Variants in PLIN1 observed in about 807,000 individuals in gnomAD.
PLIN1 encodes the protein perilipin-1.
A neutral mutation model predicts 45.8 loss-of-function variants in PLIN1; 37 were observed. The ratio of observed to expected loss-of-function variants is 0.81; its 90% CI spans 0.62 to 1.06. The LOEUF is 1.06. Ranked by LOEUF, PLIN1 falls within the 50% of genes least tolerant of loss-of-function variation. The pLI is 0.00. For missense variants in PLIN1, 776 were observed against 716.5 expected, an observed-to-expected ratio of 1.08 and a Z score of -0.95; for synonymous variants, 340 against 309.2, an observed-to-expected ratio of 1.10 and a Z score of -1.05.
chr15:89,665,706 C>G lies in PLIN1; in HGVS notation c.1446G>C (p.Pro482=). The G allele has an allele frequency of 6.8e-7, 1 of 1,466,868 alleles. No individual in the cohort carries two copies. Among genetic ancestry groups the G allele is most frequent in the Non-Finnish European group, 9.0e-7 (1 of 1,112,124 alleles). The allele number at this position is 1,466,868 out of a possible 1,614,324, so 90.9% of individuals were successfully genotyped here. A position where few individuals can be genotyped will look rare whatever the true frequency, so the allele number is the denominator to read the frequency against. ...TCTCGCGGGGCACGGCCGGGAAGCC[C>G]GGGCGCGGCGCTGCGGGCGTGGCGA... ...DEVATPAAPR[P]GFPAVPREKP... The change falls in exon 9 of 9, where the codon CCG becomes CCC. Residue 482 remains proline (P), a synonymous_variant. Transcript: ENST00000300055.
Position 89,666,943 on chromosome 15 carries a change from T to A in PLIN1, c.1202A>T (p.Tyr401Phe), listed in dbSNP as rs140505022. ...GCCAGGGGTGGTACTCACCGGCACG[T>A]AATGCACCACTGTGTCCACCACGTT... The part of the protein sequence containing the change: ...TDNVVDTVVH[Y>F]VPLPRLSLME... The change falls in exon 8 of 9, where the codon TAC becomes TTC. Residue 401 changes from tyrosine (Y) to phenylalanine (F), a missense_variant. Coordinates refer to ENST00000300055, the MANE Select transcript of PLIN1 (RefSeq NM_002666.5). 2.0e-5 allele frequency: 33 copies of A among 1,613,920 alleles called. No homozygotes were observed. Among genetic ancestry groups the A allele is most frequent in the Non-Finnish European group, 2.6e-5 (31 of 1,179,968 alleles).
chr15:89,673,865 C>T (rs2289487), intron 2 of PLIN1, among the ~76,000 whole-genome samples: 81,879 of 152,084 alleles, frequency 0.54, 23,143 homozygotes, highest in Non-Finnish European at 0.65. Flanking sequence ...CTGCCTAGAA[C>T]GCTCACCTTC....
Position 89,677,490 on chromosome 15 carries a change from C to G in PLIN1, c.-1G>C. 1 of 1,614,032 alleles carries G rather than the reference C, an allele frequency of 6.2e-7. No individual in the cohort carries two copies. The highest frequency in any genetic ancestry group is 8.5e-7 in the Non-Finnish European group (1 of 1,179,924). On this transcript the variant is annotated 5_prime_UTR_variant, in exon 2 of 9. Transcript: ENST00000300055. The stretch of plus-strand genomic sequence containing the variant: ...AGGTGAGGCCTTTGTTGACTGCCAT[C>G]CTCGCTCCTCAAGCTGCAAAACAGA...
intron 2 of PLIN1, 151 bp downstream of exon 2, chr15:89,677,294 T>C: frequency 1.3e-6 from 1 of 756,840 alleles, no homozygotes; most frequent in Non-Finnish European, 2.4e-6. Context: ...CAAAAGGTGG[T>C]GAGGGCAAGA....
intron 2 of PLIN1, among the ~76,000 whole-genome samples, chr15:89,673,639 G>A (rs547685238): frequency 6.6e-6 from 1 of 152,294 alleles, no homozygotes; most frequent in African/African-American, 2.4e-5. Context: ...ACCATCCGGG[G>A]TGCTGGAGAG....
chr15:89,666,033 C>A (rs1481678357), intron 8 of PLIN1, 91 bp from the exon 9 acceptor site: 4 of 1,013,452 alleles, frequency 3.9e-6, no homozygotes, highest in Non-Finnish European at 4.0e-6. Context: ...CTCGATTGTT[C>A]CCCCGGGAGC....
chr15:89,673,084 G>A, intron 3 of PLIN1, 126 bp downstream of exon 3: 1 of 732,956 alleles, frequency 1.4e-6, no homozygotes, highest in Non-Finnish European at 2.4e-6. Flanking sequence ...CATGCAATGG[G>A]ATGTGGGCAG....
Position 89,664,598 on chromosome 15 carries a change from C to A in PLIN1, c.*985G>T. On this transcript the variant is annotated 3_prime_UTR_variant, in exon 9 of 9. Transcript: ENST00000300055. ...AAAAAAGCAGGCATGCGTAACACCC[C>A]ACAGCTTGTGTAAACACAAGCGGGG... The A allele has an allele frequency of 3.4e-6, 1 of 290,106 alleles. No homozygotes were observed. The highest frequency in any genetic ancestry group is 6.8e-6 in the Non-Finnish European group (1 of 146,910). 18.0% of individuals were successfully genotyped at this position (290,106 alleles called of 1,614,324 possible).
At chr15:89,675,201 A>G (rs1434394846) in intron 2 of PLIN1, among the ~76,000 whole-genome samples, 1 of 152,204 alleles carries the variant, frequency 6.6e-6, no homozygotes, top group Non-Finnish European at 1.5e-5. Flanking sequence ...ACAATCGTTT[A>G]TCATTTCCGG....
chr15:89,667,889 C>G, intron 6 of PLIN1, 96 bp from the exon 7 acceptor site: 1 of 1,522,162 alleles, frequency 6.6e-7, no homozygotes, highest in Non-Finnish European at 8.8e-7. Context: ...GGGTCCGGGC[C>G]AGGTGGTGAG....
intron 2 of PLIN1, 68 bp downstream of exon 2, chr15:89,677,377 C>T: frequency 8.1e-7 from 1 of 1,238,632 alleles, no homozygotes; most frequent in South Asian, 1.2e-5. Context: ...CCCTGCATCT[C>T]CCCTCCCTGC....
chr15:89,675,297 G>T (rs1245803548), intron 2 of PLIN1, among the ~76,000 whole-genome samples: 1 of 151,828 alleles, frequency 6.6e-6, no homozygotes, highest in African/African-American at 2.4e-5. Context: ...AAAAAACACT[G>T]GTCTTTGAGT....
In PLIN1 at chr15:89,667,016, T is replaced by A; in HGVS notation, c.1129A>T (p.Lys377Ter). ...LTPAPAVSSTKGRAMSLSDAL... is the reference protein window; with the variant it reads ...LTPAPAVSST ...TCTGATAGGGACATGGCCCTCCCCT[T>A]GGTTGAGGAGACAGCAGGGGCTGGT... The change falls in exon 8 of 9, where the codon AAG (lysine) becomes TAG (stop). Residue 377 changes from lysine (K) to a stop codon, truncating the protein, a stop_gained. Coordinates refer to ENST00000300055, the MANE Select transcript of PLIN1 (RefSeq NM_002666.5). LOFTEE classifies it high-confidence loss of function. The A allele has an allele frequency of 6.2e-7, 1 of 1,614,040 alleles. No individual in the cohort carries two copies. Among genetic ancestry groups the A allele is most frequent in the Non-Finnish European group, 8.5e-7 (1 of 1,179,942 alleles).
chr15:89,670,294 A>G, intron 4 of PLIN1, 50 bp from the exon 5 acceptor site: 1 of 1,579,394 alleles, frequency 6.3e-7, no homozygotes, highest in African/African-American at 1.3e-5. Flanking sequence ...CAGGCCCTAC[A>G]AGGGCTGCCC....
In PLIN1 at chr15:89,667,710, G is replaced by C. The variant is rs200748446; in HGVS notation, c.855C>G (p.His285Gln). The C allele has an allele frequency of 3.2e-5, 50 of 1,582,770 alleles. No individual in the cohort carries two copies. Among genetic ancestry groups the C allele is most frequent in the East Asian group, 6.9e-5 (3 of 43,260 alleles). The change falls in exon 7 of 9, where the codon CAC (histidine) becomes CAG (glutamine). Residue 285 changes from histidine (H) to glutamine (Q), a missense_variant. His to Gln is a conservative substitution (Grantham distance 24). Coordinates refer to ENST00000300055, the MANE Select transcript of PLIN1 (RefSeq NM_002666.5). The stretch of plus-strand genomic sequence containing the variant: ...CCTCCTCCTGGGCGGCTGCGAGGCT[G>C]TGCAGCCAGGGTACCCGCACTTCGC... ...RRSEVRVPWLHSLAAAQEEDH... is the reference protein window; with the variant it reads ...RRSEVRVPWLQSLAAAQEEDH...
rs546041137 is a variant in PLIN1, at chr15:89,668,096, C to G, written c.772-303G>C. 1.4e-4 allele frequency among the ~76,000 whole-genome samples: 21 copies of G among 152,356 alleles called. No homozygotes were observed. The South Asian group carries it at 3.9e-3, about 29-fold the overall frequency. On this transcript the variant is annotated intron_variant, in intron 6 of 8. Transcript: ENST00000300055. ...TGTCCCCACTCAGTCCACATTCCCC[C>G]AAGAGTGACCACAGTCCTGCTCTCT...
intron 2 of PLIN1, chr15:89,676,704 A>G (rs1427084755): frequency 6.6e-6 from 1 of 152,244 alleles, no homozygotes; most frequent in African/African-American, 2.4e-5. Flanking sequence ...GGAAGGGAAT[A>G]AACCACCGTC....
Position 89,670,176 on chromosome 15 carries a change from G to A in PLIN1, c.402C>T (p.Pro134=). ...GGACCTTGTCTGAAGTGCTCGCGAT[G>A]GGAACGCTGATGCTGTTTCTGGCAC... ...LRSARNSISV[P]IASTSDKVLG... The change falls in exon 5 of 9, where the codon CCC becomes CCT. Residue 134 remains proline (P), a synonymous_variant. Transcript: ENST00000300055. 1 of 1,614,090 alleles carries A rather than the reference G, an allele frequency of 6.2e-7. No homozygotes were observed. The highest frequency in any genetic ancestry group is 8.5e-7 in the Non-Finnish European group (1 of 1,180,012).
At position 89,677,642 on chromosome 15, in the gene PLIN1, G is replaced by A. The variant is rs72752525; in HGVS notation, c.-14-139C>T. The A allele has an allele frequency of 0.18, 142,228 of 769,048 alleles. 14,812 individuals are homozygous for A. Among genetic ancestry groups the A allele is most frequent in the Middle Eastern group, 0.28 (1,138 of 4,122 alleles). The allele number at this position is 769,048 out of a possible 1,614,324, so 47.6% of individuals were successfully genotyped here. A position where few individuals can be genotyped will look rare whatever the true frequency, so the allele number is the denominator to read the frequency against. ...GCCCTGAACAGAAGGCATTAGGTTGGAGGGTGAATATCACACACAATAGCC... is the reference window on the plus strand; with the variant it reads ...GCCCTGAACAGAAGGCATTAGGTTGAAGGGTGAATATCACACACAATAGCC... On this transcript the variant is annotated intron_variant, in intron 1 of 8. Coordinates refer to ENST00000300055, the MANE Select transcript of PLIN1 (RefSeq NM_002666.5).
Sources: gnomAD v4.1 joint callset for allele counts (sites outside exome capture counted in the v4.1 genomes callset) on GRCh38, gnomAD v4.1.1 for gene constraint, MANE v1.5 for transcripts, NCBI Gene and HGNC (gene_info 2026-07-23, HGNC 2026-07-21) for gene names.